Variants in RGS14 observed in about 807,000 individuals in gnomAD.
RGS14 encodes regulator of G-protein signaling 14.
A neutral mutation model predicts 63.8 loss-of-function variants in RGS14; 33 were observed. The observed-to-expected ratio is 0.52, with a 90% confidence interval of 0.39 to 0.69. The LOEUF is 0.69. RGS14 is among the 30% of genes least tolerant of loss of function. The pLI is 0.00. For missense variants in RGS14, 739 were observed against 742.9 expected, an observed-to-expected ratio of 0.99 and a Z score of 0.06; for synonymous variants, 296 against 320.9, an observed-to-expected ratio of 0.92 and a Z score of 0.83.
rs780292648 is a variant in RGS14 at position 177,366,893 on chromosome 5, A to G, written c.342A>G (p.Leu114=). 14 of 1,613,378 alleles carry G rather than the reference A, an allele frequency of 8.7e-6. No homozygotes were observed. The Admixed American group carries it at 2.0e-4, about 23-fold the overall frequency. The stretch of plus-strand genomic sequence containing the variant: ...TCCTCCTGTCCCTCCTCCTTCAGCT[A>G]GCTCAGGAGGCCCGCAACATCTACC... ...QQIPASDTQQ[L]AQEARNIYQE... is the part of the protein sequence containing the mutation. The change falls in exon 5 of 15, where the codon CTA becomes CTG. Residue 114 remains leucine (L), a splice_region_variant and synonymous_variant. Coordinates refer to ENST00000408923, the MANE Select transcript of RGS14 (RefSeq NM_006480.5).
intron 9 of RGS14, chr5:177,369,211 C>G: frequency 2.1e-6 from 1 of 484,452 alleles, no homozygotes; most frequent in Middle Eastern, 5.8e-4. Flanking sequence ...AGAGTCCAGA[C>G]TCCCATCCCC....
intron 1 of RGS14, among the ~76,000 whole-genome samples, chr5:177,362,886 G>C (rs1475117428): frequency 6.6e-6 from 1 of 152,174 alleles, no homozygotes; most frequent in East Asian, 1.9e-4. Context: ...ACCTGTGAGG[G>C]CCAAACAAAA....
At position 177,359,874 on chromosome 5, in the gene RGS14, C is replaced by T. The variant is rs993204502; in HGVS notation, c.45+1805C>T. Among the ~76,000 whole-genome samples, 1 of 152,166 alleles carries T rather than the reference C, an allele frequency of 6.6e-6. No individual in the cohort carries two copies. The highest frequency in any genetic ancestry group is 1.5e-5 in the Non-Finnish European group (1 of 68,030). Reference sequence around the variant, plus strand: ...GTCTGGTCCCTCCATGAGTTACCTCCCAAGGGAGGCTCAGAGAAGTAAATG... The same window carrying T: ...GTCTGGTCCCTCCATGAGTTACCTCTCAAGGGAGGCTCAGAGAAGTAAATG... On this transcript the variant is annotated intron_variant, in intron 1 of 14. Transcript: ENST00000408923. This position sits in a 1 kb window ranked among gnomAD's most constrained non-coding sequence, Gnocchi z 4.4.
Position 177,366,809 on chromosome 5 carries a change from AG to A in RGS14, c.339+14del. 1 of 1,614,038 alleles carries A rather than the reference AG, an allele frequency of 6.2e-7. No individual in the cohort carries two copies. The highest frequency in any genetic ancestry group is 8.5e-7 in the Non-Finnish European group (1 of 1,179,968). On this transcript the variant is annotated intron_variant, in intron 4 of 14. Coordinates refer to ENST00000408923, the MANE Select transcript of RGS14 (RefSeq NM_006480.5). ...CCAGCGATACCCAGCAGGTGGGGGAAGGGGGAGCTGGGGCCGAGGGCTGGGG... is the reference window on the plus strand; with the variant it reads ...CCAGCGATACCCAGCAGGTGGGGGAAGGGGAGCTGGGGCCGAGGGCTGGGG...
intron 4 of RGS14, 30 bp from the exon 5 acceptor site, chr5:177,366,861 G>GA (rs1762107091): frequency 6.2e-7 from 1 of 1,613,502 alleles, no homozygotes; most frequent in African/African-American, 1.3e-5. Flanking sequence ...CACGCTCCCT[G>GA]ACCAACTCCT....
Position 177,371,754 on chromosome 5 carries a change from C to A in RGS14, c.1499-119C>A. The A allele has an allele frequency of 7.9e-7, 1 of 1,266,254 alleles. No individual in the cohort carries two copies. The highest frequency in any genetic ancestry group is 1.1e-6 in the Non-Finnish European group (1 of 904,904). 78.4% of individuals were successfully genotyped at this position (1,266,254 alleles called of 1,614,324 possible). ...GGTCAAAGGGGCTGGAACAGGGGGC[C>A]GCAGGCCATTGGTGCTGGGGCCAGG... On this transcript the variant is annotated intron_variant, in intron 14 of 14. Coordinates refer to ENST00000408923, the MANE Select transcript of RGS14 (RefSeq NM_006480.5). The surrounding 1 kb of genome is among the most constrained non-coding windows in gnomAD (Gnocchi z 6.1).
chr5:177,363,512 C>T (rs1762021128), intron 1 of RGS14, among the ~76,000 whole-genome samples: 1 of 152,124 alleles, frequency 6.6e-6, no homozygotes. Flanking sequence ...ACGCCCCCCG[C>T]CCCCAACACC....
At position 177,359,869 on chromosome 5, in the gene RGS14, A is replaced by G. The variant is rs1444173302; in HGVS notation, c.45+1800A>G. Among the ~76,000 whole-genome samples the G allele has an allele frequency of 6.6e-6, 1 of 152,076 alleles. No homozygotes were observed. Among genetic ancestry groups the G allele is most frequent in the Non-Finnish European group, 1.5e-5 (1 of 68,014 alleles). ...GGTATGTCTGGTCCCTCCATGAGTTACCTCCCAAGGGAGGCTCAGAGAAGT... is the reference window on the plus strand; with the variant it reads ...GGTATGTCTGGTCCCTCCATGAGTTGCCTCCCAAGGGAGGCTCAGAGAAGT... On this transcript the variant is annotated intron_variant, in intron 1 of 14. Transcript: ENST00000408923. The surrounding 1 kb of genome is among the most constrained non-coding windows in gnomAD (Gnocchi z 4.4).
chr5:177,367,132 G>T (rs539485448), intron 5 of RGS14, 98 bp downstream of exon 5: 5 of 1,462,278 alleles, frequency 3.4e-6, no homozygotes, highest in Admixed American at 4.3e-5. Context: ...AGCGGAGGGG[G>T]CAAATTTGGA....
rs34130990 is a variant in RGS14, at chr5:177,372,525, C to T, written c.*450C>T. On this transcript the variant is annotated 3_prime_UTR_variant, in exon 15 of 15. Transcript: ENST00000408923. ...GACTATACTGTACATACAGATTTTG[C>T]AGTAGGCTTGGGGCAGCTGGGTTTG... The T allele has an allele frequency of 2.5e-3, 407 of 160,454 alleles. No homozygotes were observed. Among genetic ancestry groups the T allele is most frequent in the Admixed American group, 6.0e-3 (93 of 15,608 alleles). 9.9% of individuals were successfully genotyped at this position (160,454 alleles called of 1,614,324 possible). A position where few individuals can be genotyped will look rare whatever the true frequency, so the allele number is the denominator to read the frequency against.
Position 177,371,663 on chromosome 5 carries a change from G to C in RGS14, c.1498+74G>C. On this transcript the variant is annotated intron_variant, in intron 14 of 14. Coordinates refer to ENST00000408923, the MANE Select transcript of RGS14 (RefSeq NM_006480.5). The surrounding 1 kb of genome is among the most constrained non-coding windows in gnomAD (Gnocchi z 6.1). ...GGGGACCATTCAGGGTGGCATCAGA[G>C]AGCCTTGAGCTAAGGCAGGGGGCTG... 2 of 1,457,904 alleles carry C rather than the reference G, an allele frequency of 1.4e-6. No individual in the cohort carries two copies. Among genetic ancestry groups the C allele is most frequent in the Non-Finnish European group, 1.9e-6 (2 of 1,042,920 alleles). The allele number at this position is 1,457,904 out of a possible 1,614,324, so 90.3% of individuals were successfully genotyped here. A position where few individuals can be genotyped will look rare whatever the true frequency, so the allele number is the denominator to read the frequency against.
In RGS14 at chr5:177,366,800, G is replaced by C; in HGVS notation, c.339G>C (p.Gln113His). Residue 113 changes from glutamine to histidine, a missense_variant and splice_region_variant, in exon 4 of 15, where the codon CAG (glutamine) becomes CAC (histidine). Physicochemically the swap from Gln to His is conservative, Grantham distance 24 (BLOSUM62 0). Transcript: ENST00000408923. ...AGATCCCGGCCAGCGATACCCAGCAGGTGGGGGAAGGGGGAGCTGGGGCCG... is the reference window on the plus strand; with the variant it reads ...AGATCCCGGCCAGCGATACCCAGCACGTGGGGGAAGGGGGAGCTGGGGCCG... ...FQQIPASDTQQLAQEARNIYQ... is the reference protein window; with the variant it reads ...FQQIPASDTQHLAQEARNIYQ... The C allele has an allele frequency of 6.2e-7, 1 of 1,614,176 alleles. No homozygotes were observed. The highest frequency in any genetic ancestry group is 8.5e-7 in the Non-Finnish European group (1 of 1,180,014).
chr5:177,365,448 C>A (rs1313024239), intron 1 of RGS14, among the ~76,000 whole-genome samples: 1 of 152,118 alleles, frequency 6.6e-6, no homozygotes, highest in Non-Finnish European at 1.5e-5. Context: ...GGTGATCCAC[C>A]CATCTCGGCC....
intron 1 of RGS14, among the ~76,000 whole-genome samples, chr5:177,361,698 GC>G (rs1166201171): frequency 6.6e-6 from 1 of 152,126 alleles, no homozygotes; most frequent in Non-Finnish European, 1.5e-5. Flanking sequence ...GCCAGAGGGT[GC>G]CTGCCACACA....
Position 177,368,815 on chromosome 5 carries a change from C to T in RGS14, c.948C>T (p.Ala316=), listed in dbSNP as rs1329132127. The part of the protein sequence containing the change: ...VYLPDGTASL[A]LARPGLTIRD... ...TGCCCGATGGCACAGCCTCCTTGGC[C>T]CTGGCCAGACCTGGCCTCACCATCC... Residue 316 remains alanine (A), a synonymous_variant, in exon 9 of 15, where the codon GCC becomes GCT. Transcript: ENST00000408923. The T allele has an allele frequency of 1.2e-6, 2 of 1,614,212 alleles. No individual in the cohort carries two copies. Among genetic ancestry groups the T allele is most frequent in the South Asian group, 1.1e-5 (1 of 91,086 alleles).
chr5:177,369,349 C>T (rs1402092297), intron 9 of RGS14, among the ~76,000 whole-genome samples: 1 of 152,180 alleles, frequency 6.6e-6, no homozygotes, highest in African/African-American at 2.4e-5. Flanking sequence ...TTAAAGAAGA[C>T]CTAGGGGAAA....
intron 1 of RGS14, among the ~76,000 whole-genome samples, chr5:177,361,743 C>T (rs1761970435): frequency 1.3e-5 from 2 of 152,140 alleles, no homozygotes; most frequent in Non-Finnish European, 2.9e-5. Flanking sequence ...CTTACTCTCA[C>T]CTTAGCATTT....
chr5:177,365,737 C>T (rs972683469), intron 1 of RGS14, among the ~76,000 whole-genome samples: 1 of 152,040 alleles, frequency 6.6e-6, no homozygotes, highest in African/African-American at 2.4e-5. Context: ...AGGAGGGAAC[C>T]AGGGGCTGCT....
In RGS14 at chr5:177,371,597, G is replaced by T; in HGVS notation, c.1498+8G>T. 6.2e-7 allele frequency: 1 copy of T among 1,611,366 alleles called. No individual in the cohort carries two copies. The highest frequency in any genetic ancestry group is 1.3e-5 in the African/African-American group (1 of 74,974). On this transcript the variant is annotated splice_region_variant and intron_variant, in intron 14 of 14. Coordinates refer to ENST00000408923, the MANE Select transcript of RGS14 (RefSeq NM_006480.5). This position sits in a 1 kb window ranked among gnomAD's most constrained non-coding sequence, Gnocchi z 6.1. ...AGACCTGTGACATCGAAGGTACATG[G>T]TGGATGAGCTGGGGATCAGAAAGAC...
Sources: gnomAD v4.1 joint callset for allele counts (sites outside exome capture counted in the v4.1 genomes callset) on GRCh38, gnomAD v4.1.1 for gene constraint, Gnocchi (gnomAD v3.1) non-coding constraint, MANE v1.5 for transcripts, NCBI Gene and HGNC (gene_info 2026-07-23, HGNC 2026-07-21) for gene names.